STIM2: variants seen among roughly 807,000 people sequenced by gnomAD.
STIM2 encodes stromal interaction molecule 2.
STIM2 carries 31 observed loss-of-function variants against 85.8 expected under a neutral mutation model. The ratio of observed to expected loss-of-function variants is 0.36; its 90% CI spans 0.27 to 0.49. The LOEUF is 0.49. STIM2 is among the 20% of genes least tolerant of loss of function. The pLI is 0.98. For synonymous variants in STIM2, 356 were observed against 331.1 expected, an observed-to-expected ratio of 1.08 and a Z score of -0.82; for missense variants, 841 against 927.6, an observed-to-expected ratio of 0.91 and a Z score of 1.21.
chr4:27,017,591 T>A (rs1728770500), intron 10 of STIM2, 120 bp from the exon 11 acceptor site: 1 of 1,264,952 alleles, frequency 7.9e-7, no homozygotes, highest in Non-Finnish European at 1.1e-6. Context: ...GTAACTTCAG[T>A]AAAGGGAGAT....
chr4:26,969,298 G>A (rs1413246750), intron 3 of STIM2, among the ~76,000 whole-genome samples: 3 of 152,130 alleles, frequency 2.0e-5, no homozygotes, highest in Non-Finnish European at 4.4e-5. Flanking sequence ...GCAGTGGAGG[G>A]GCAAGTAATT....
chr4:26,877,639 C>T (rs1415339958), intron 1 of STIM2, among the ~76,000 whole-genome samples: 1 of 151,936 alleles, frequency 6.6e-6, no homozygotes, highest in Non-Finnish European at 1.5e-5. Context: ...AGTTTTGTCA[C>T]TGCTTGGGCT....
At chr4:27,017,129 G>A (rs1054661985) in intron 10 of STIM2, among the ~76,000 whole-genome samples, 3 of 152,212 alleles carry the variant, frequency 2.0e-5, no homozygotes, top group African/African-American at 7.2e-5. Flanking sequence ...ACCTGCATGA[G>A]TCTCAACTGA....
At chr4:26,968,366 A>C (rs773409127) in intron 3 of STIM2, among the ~76,000 whole-genome samples, 3 of 152,108 alleles carry the variant, frequency 2.0e-5, no homozygotes, top group Non-Finnish European at 4.4e-5. Flanking sequence ...ATTCTGACAT[A>C]CGCACAACAT....
intron 2 of STIM2, among the ~76,000 whole-genome samples, chr4:26,936,612 A>T (rs556135146): frequency 6.6e-6 from 1 of 152,324 alleles, no homozygotes; most frequent in East Asian, 1.9e-4. Context: ...CTAGGAAGTT[A>T]AACACCATAA....
At chr4:26,905,460 G>A (rs1360921430) in intron 1 of STIM2, among the ~76,000 whole-genome samples, 1 of 152,124 alleles carries the variant, frequency 6.6e-6, no homozygotes, top group Non-Finnish European at 1.5e-5. Flanking sequence ...TTAGTAAAGG[G>A]CAGAGTCTGG....
chr4:27,002,287 G>T lies in STIM2; in HGVS notation c.696G>T (p.Trp232Cys). 1 of 1,613,628 alleles carries T rather than the reference G, an allele frequency of 6.2e-7. No individual in the cohort carries two copies. Among genetic ancestry groups the T allele is most frequent in the Non-Finnish European group, 8.5e-7 (1 of 1,179,872 alleles). Reference sequence around the variant, plus strand: ...TAGTAATTGGTGTTGGAGGCTGCTGGTTTGCTTATACGCAGAATAAGACAT... The same window carrying T: ...TAGTAATTGGTGTTGGAGGCTGCTGTTTTGCTTATACGCAGAATAAGACAT... Residue 232 changes from tryptophan (W) to cysteine (C), a missense_variant, in exon 6 of 12, where the codon TGG becomes TGT. Physicochemically the swap from Trp to Cys is radical, Grantham distance 215. Transcript: ENST00000467087.
intron 1 of STIM2, among the ~76,000 whole-genome samples, chr4:26,912,448 T>C (rs1724380795): frequency 6.6e-6 from 1 of 152,234 alleles, no homozygotes; most frequent in Non-Finnish European, 1.5e-5. Flanking sequence ...TTCATAAGTT[T>C]CTGAACTGTA....
chr4:26,932,946 A>G (rs766942224), intron 2 of STIM2, among the ~76,000 whole-genome samples: 2 of 152,248 alleles, frequency 1.3e-5, no homozygotes, highest in Admixed American at 6.5e-5. Flanking sequence ...CTGAGAAGTA[A>G]TAAAGAATCA....
intron 3 of STIM2, among the ~76,000 whole-genome samples, chr4:26,969,795 G>A (rs925664817): frequency 1.3e-5 from 2 of 152,108 alleles, no homozygotes; most frequent in East Asian, 3.8e-4. Flanking sequence ...TTTCAAGGAT[G>A]CCCCAAAGAG....
intron 2 of STIM2, among the ~76,000 whole-genome samples, chr4:26,949,481 C>T (rs1010712437): frequency 1.3e-5 from 2 of 152,034 alleles, no homozygotes; most frequent in Non-Finnish European, 2.9e-5. Context: ...GTTTCTTTTT[C>T]AATGAGAACT....
At chr4:26,881,716 G>A (rs1723023020) in intron 1 of STIM2, 1 of 152,274 alleles carries the variant, frequency 6.6e-6, no homozygotes, top group South Asian at 2.1e-4. Flanking sequence ...ATGGAATTTT[G>A]CATCTTTTAA....
At chr4:27,004,731 G>A (rs1281717173) in intron 7 of STIM2, among the ~76,000 whole-genome samples, 1 of 152,010 alleles carries the variant, frequency 6.6e-6, no homozygotes, top group Non-Finnish European at 1.5e-5. Context: ...TGGTATTATT[G>A]GTATGAATAA....
At chr4:26,897,156 T>C (rs534500473) in intron 1 of STIM2, among the ~76,000 whole-genome samples, 2 of 152,366 alleles carry the variant, frequency 1.3e-5, no homozygotes, top group South Asian at 2.1e-4. Context: ...AAAATGCTTA[T>C]AAACATTCAT....
At chr4:27,013,272 C>T (rs1211318476) in intron 10 of STIM2, among the ~76,000 whole-genome samples, 3 of 151,598 alleles carry the variant, frequency 2.0e-5, no homozygotes, top group Non-Finnish European at 4.4e-5. Context: ...GGGGGGAAAC[C>T]GCATTTACAT....
In STIM2 at chr4:27,022,770, A is replaced by G. The variant is rs199899002; in HGVS notation, c.2015A>G (p.Asn672Ser). 9.5e-5 allele frequency: 153 copies of G among 1,614,152 alleles called. No individual in the cohort carries two copies. Among genetic ancestry groups the G allele is most frequent in the Admixed American group, 3.5e-4 (21 of 60,010 alleles). The change falls in exon 12 of 12, where the codon AAT becomes AGT. Residue 672 changes from asparagine to serine, a missense_variant. By Grantham distance (46) the Asn-to-Ser change is conservative. Around this residue, in one of 3 missense-constraint regions of STIM2, gnomAD observed 293 missense variants for 284.5 expected, o/e 1.03. Transcript: ENST00000467087. ...TTCAGTCCTGCAAGCAAAGTGTACA[A>G]TGGCATTTTGGAGAAATCCTGTAGC...
chr4:26,861,360 C>G lies in STIM2; in HGVS notation c.142C>G (p.Leu48Val). The change falls in exon 1 of 12, where the codon CTC (leucine) becomes GTC (valine). Residue 48 changes from leucine (L) to valine (V), a missense_variant. Leu to Val is a conservative substitution (Grantham distance 32, BLOSUM62 1). Coordinates refer to ENST00000467087, the MANE Select transcript of STIM2 (RefSeq NM_020860.4). ...CGCGGCGGCCGGCGATAGCCCGGCG[C>G]TCATGACAGGTGAGGGGCCGGGGGG... is the stretch of plus-strand genomic sequence containing the variant. 7.4e-7 allele frequency: 1 copy of G among 1,343,112 alleles called. No individual in the cohort carries two copies. Among genetic ancestry groups the G allele is most frequent in the Non-Finnish European group, 9.5e-7 (1 of 1,052,514 alleles). The allele number at this position is 1,343,112 out of a possible 1,614,324, so 83.2% of individuals were successfully genotyped here. A position where few individuals can be genotyped will look rare whatever the true frequency, so the allele number is the denominator to read the frequency against.
chr4:26,967,233 C>T (rs1457585535), intron 3 of STIM2, among the ~76,000 whole-genome samples: 1 of 152,096 alleles, frequency 6.6e-6, no homozygotes, highest in Non-Finnish European at 1.5e-5. Flanking sequence ...ATTATAGTTG[C>T]ATAAGGGCAA....
chr4:26,956,801 A>G (rs146693957), intron 2 of STIM2, among the ~76,000 whole-genome samples: 165 of 152,260 alleles, frequency 1.1e-3, no homozygotes, highest in African/African-American at 3.6e-3. Flanking sequence ...TTGAGGCAGT[A>G]TATTATGCTG....
Sources: gnomAD v4.1 joint callset for allele counts (sites outside exome capture counted in the v4.1 genomes callset) on GRCh38, gnomAD v4.1.1 for gene constraint, gnomAD v4.1.1 regional missense constraint, MANE v1.5 for transcripts, NCBI Gene and HGNC (gene_info 2026-07-23, HGNC 2026-07-21) for gene names.